SLC3A2: variants seen among roughly 807,000 people sequenced by gnomAD.
SLC3A2 encodes the protein amino acid transporter heavy chain SLC3A2.
In SLC3A2, 32 loss-of-function variants were observed where a neutral mutation model predicts 48.5. The observed-to-expected ratio is 0.66, with a 90% CI of 0.50 to 0.89. The LOEUF (loss-of-function observed/expected upper bound fraction) is 0.89, where lower values mean the gene tolerates loss of function less well. SLC3A2 is among the 40% of genes least tolerant of loss of function. SLC3A2 has a pLI of 0.00. For missense variants in SLC3A2, 587 were observed against 680.7 expected (o/e 0.86, Z 1.53); for synonymous variants, 277 against 288.8 (o/e 0.96, Z 0.41).
intron 1 of SLC3A2, among the ~76,000 whole-genome samples, chr11:62,872,836 AG>A (rs1436906101): frequency 3.3e-5 from 5 of 152,130 alleles, no homozygotes; most frequent in Non-Finnish European, 7.4e-5. Flanking sequence ...TCCTGCCCTC[AG>A]GTGATCCGCC....
chr11:62,872,458 T>G (rs1714478152), intron 1 of SLC3A2, among the ~76,000 whole-genome samples: 1 of 152,158 alleles, frequency 6.6e-6, no homozygotes, highest in Non-Finnish European at 1.5e-5. Context: ...AAGGCTGTAG[T>G]AAGCCAAGAT....
At chr11:62,883,977 C>A (rs2085674691) in intron 3 of SLC3A2, 2 of 456,452 alleles carry the variant, frequency 4.4e-6, no homozygotes, top group Non-Finnish European at 4.4e-6. Context: ...ATTGTACTCA[C>A]ACCTTCCCCA....
chr11:62,886,691 G>A (rs1193031527), intron 7 of SLC3A2: 1 of 152,116 alleles, frequency 6.6e-6, no homozygotes, highest in Admixed American at 6.6e-5. Flanking sequence ...TTGGGTTCAA[G>A]TGATACTCCT....
intron 1 of SLC3A2, among the ~76,000 whole-genome samples, chr11:62,867,616 G>T (rs2085467499): frequency 6.6e-6 from 1 of 152,014 alleles, no homozygotes; most frequent in South Asian, 2.1e-4. Flanking sequence ...GAGCCACCGT[G>T]CCCGGCTGCT....
intron 1 of SLC3A2, among the ~76,000 whole-genome samples, chr11:62,870,998 C>A (rs1453665930): frequency 6.6e-6 from 1 of 150,566 alleles, no homozygotes. Context: ...GTTTCTCCTG[C>A]CTCAGCTTCC....
Position 62,867,322 on chromosome 11 carries a change from CTTTTTTTTTT to C in SLC3A2, c.112+10954_112+10963del, listed in dbSNP as rs56758000. On this transcript the variant is annotated intron_variant, in intron 1 of 9. Coordinates refer to the SLC3A2 transcript ENST00000377889. The stretch of plus-strand genomic sequence containing the variant: ...CCCTTTATTCTTTCTCTTTTCTTTT[CTTTTTTTTTT>C]TTTTTTTTTTTTGATACAGAGTCTC... Among the ~76,000 whole-genome samples, 12 of 67,674 alleles carry C rather than the reference CTTTTTTTTTT, an allele frequency of 1.8e-4. 1 individual carries two copies. Among genetic ancestry groups the C allele is most frequent in the East Asian group, 8.2e-4 (2 of 2,442 alleles). The allele number at this position is 67,674 out of a possible 152,430, so 44.4% of individuals were successfully genotyped here. A position where few individuals can be genotyped will look rare whatever the true frequency, so the allele number is the denominator to read the frequency against.
intron 1 of SLC3A2, among the ~76,000 whole-genome samples, chr11:62,866,146 T>C (rs1347313142): frequency 2.0e-5 from 3 of 151,930 alleles, no homozygotes; most frequent in Non-Finnish European, 4.4e-5. Context: ...GGATGGAGTT[T>C]TGCTCTTGTC....
intron 1 of SLC3A2, chr11:62,871,788 A>G (rs1188729046): frequency 2.7e-6 from 1 of 372,518 alleles, no homozygotes; most frequent in Non-Finnish European, 4.7e-6. Flanking sequence ...TTGCACATGA[A>G]TTATAGAGTC....
At chr11:62,871,583 G>C (rs1289943458) in intron 1 of SLC3A2, 2 of 652,060 alleles carry the variant, frequency 3.1e-6, no homozygotes, top group Non-Finnish European at 5.6e-6. Context: ...GTAGAGACGG[G>C]GTCTGACTGT....
chr11:62,864,103 C>T (rs1286602314), intron 1 of SLC3A2, among the ~76,000 whole-genome samples: 1 of 152,092 alleles, frequency 6.6e-6, no homozygotes, highest in Non-Finnish European at 1.5e-5. Flanking sequence ...CACACCCGTG[C>T]ATTCTTTTTG....
At position 62,862,469 on chromosome 11, in the gene SLC3A2, G is replaced by A. The variant is rs150294076; in HGVS notation, c.112+6088G>A. Among the ~76,000 whole-genome samples, 393 of 151,464 alleles carry A rather than the reference G, an allele frequency of 2.6e-3. 2 individuals are homozygous for A. The highest frequency in any genetic ancestry group is 9.0e-3 in the African/African-American group (371 of 41,252). On this transcript the variant is annotated intron_variant, in intron 1 of 9. Coordinates refer to the SLC3A2 transcript ENST00000377889. ...GTTTGAGACCAGCCTGGGCAACATA[G>A]TAAGATGAAACCCCCATCTCTACAG...
intron 1 of SLC3A2, among the ~76,000 whole-genome samples, chr11:62,869,549 A>C (rs2085489480): frequency 6.7e-6 from 1 of 149,006 alleles, no homozygotes. Context: ...AAAAAAAAGA[A>C]TAGAATTTCT....
At chr11:62,868,005 T>G (rs1400987940) in intron 1 of SLC3A2, among the ~76,000 whole-genome samples, 1 of 151,986 alleles carries the variant, frequency 6.6e-6, no homozygotes, top group African/African-American at 2.4e-5. Context: ...CACTGCAACC[T>G]CTTCCACCCA....
chr11:62,858,744 A>G (rs1160976323), intron 1 of SLC3A2, among the ~76,000 whole-genome samples: 1 of 152,212 alleles, frequency 6.6e-6, no homozygotes, highest in Non-Finnish European at 1.5e-5. Flanking sequence ...CCACAAGACA[A>G]TAGTGGGGAG....
At chr11:62,867,170 T>C (rs1174372213) in intron 1 of SLC3A2, among the ~76,000 whole-genome samples, 1 of 151,692 alleles carries the variant, frequency 6.6e-6, no homozygotes, top group African/African-American at 2.4e-5. Context: ...TTTTGTATTT[T>C]TAGTAGAGAT....
intron 1 of SLC3A2, among the ~76,000 whole-genome samples, chr11:62,875,732 C>T (rs1392590690): frequency 6.6e-6 from 1 of 151,946 alleles, no homozygotes; most frequent in Non-Finnish European, 1.5e-5. Context: ...ATGCCCAGCT[C>T]ATTTTTGTAT....
rs2085749941 is a variant in SLC3A2 at position 62,888,725 on chromosome 11, C to T, written c.*32C>T. The T allele has an allele frequency of 6.6e-7, 1 of 1,521,104 alleles. No individual in the cohort carries two copies. The highest frequency in any genetic ancestry group is 2.1e-5 in the Admixed American group (1 of 48,088). The allele number at this position is 1,521,104 out of a possible 1,614,324, so 94.2% of individuals were successfully genotyped here. On this transcript the variant is annotated 3_prime_UTR_variant, in exon 9 of 9. Transcript: ENST00000338663. The stretch of plus-strand genomic sequence containing the variant: ...CCTGACATGGACCCACTACCCTTCT[C>T]CTTTCCTTCCCAGGCCCTTTGGCTT...
At position 62,870,722 on chromosome 11, in the gene SLC3A2, ATTATTT is replaced by A. The variant is rs1407310977; in HGVS notation, c.113-10294_113-10289del. 1.9e-3 allele frequency: 296 copies of A among 156,236 alleles called. 2 individuals carry two copies. The highest frequency in any genetic ancestry group is 7.4e-3 in the African/African-American group (289 of 39,082). 9.7% of individuals were successfully genotyped at this position (156,236 alleles called of 1,614,324 possible). On this transcript the variant is annotated intron_variant, in intron 1 of 9. Coordinates refer to the SLC3A2 transcript ENST00000377889. Reference sequence around the variant, plus strand: ...TGTTACTTTATACATTATTATTATTATTATTTTTTTTTTTTTTTGTAGAGTTGGGGT... The same window carrying A: ...TGTTACTTTATACATTATTATTATTATTTTTTTTTTTTGTAGAGTTGGGGT...
chr11:62,864,288 C>G (rs2134977242), intron 1 of SLC3A2, among the ~76,000 whole-genome samples: 1 of 150,092 alleles, frequency 6.7e-6, no homozygotes, highest in African/African-American at 2.4e-5. Context: ...CTAAGTATAT[C>G]AATCCTGTTA....
Sources: allele counts gnomAD v4.1 joint callset (sites outside exome capture counted in the v4.1 genomes callset), GRCh38; gene constraint gnomAD v4.1.1; transcripts MANE v1.5; gene names NCBI Gene and HGNC (gene_info 2026-07-23, HGNC 2026-07-21).